DENND2B: variants seen among roughly 807,000 people sequenced by gnomAD.
DENND2B encodes the protein DENN domain-containing protein 2B.
DENND2B carries 32 observed loss-of-function variants against 116.0 expected under a neutral mutation model. The observed-to-expected ratio is 0.28, with a 90% CI of 0.21 to 0.37. The LOEUF is 0.37. Ranked by LOEUF, DENND2B falls within the 10% of genes least tolerant of loss-of-function variation. The pLI is 1.00. For missense variants in DENND2B, 1,276 were observed against 1,477.7 expected, an observed-to-expected ratio of 0.86 and a Z score of 2.24; for synonymous variants, 588 against 583.9, an observed-to-expected ratio of 1.01 and a Z score of -0.10.
At chr11:8,724,114 T>G (rs1592741053) in intron 4 of DENND2B, among the ~76,000 whole-genome samples, 1 of 151,994 alleles carries the variant, frequency 6.6e-6, no homozygotes, top group African/African-American at 2.4e-5. Context: ...GCTAACACGG[T>G]GAAACCCTGT....
chr11:8,843,988 A>G (rs951196977), intron 3 of DENND2B, among the ~76,000 whole-genome samples: 3 of 152,220 alleles, frequency 2.0e-5, no homozygotes, highest in Non-Finnish European at 4.4e-5. Flanking sequence ...ATGTCTGTTT[A>G]TCTTATGTGC....
At chr11:8,798,559 A>G (rs532650396) in intron 1 of DENND2B, among the ~76,000 whole-genome samples, 2 of 152,266 alleles carry the variant, frequency 1.3e-5, no homozygotes, top group African/African-American at 4.8e-5. Flanking sequence ...ACAGCTTTCC[A>G]GAAGAAGCTC....
At chr11:8,817,157 C>A (rs1336138991) in intron 4 of DENND2B, among the ~76,000 whole-genome samples, 2 of 152,160 alleles carry the variant, frequency 1.3e-5, no homozygotes, top group African/African-American at 2.4e-5. Context: ...CAGACTCACC[C>A]CTATCCATAA....
At chr11:8,853,633 G>C (rs2063088603) in intron 3 of DENND2B, among the ~76,000 whole-genome samples, 1 of 152,084 alleles carries the variant, frequency 6.6e-6, no homozygotes, top group African/African-American at 2.4e-5. Context: ...AAAATAAAAA[G>C]TTACTGAATT....
intron 1 of DENND2B, chr11:8,808,526 C>T (rs1388177837): frequency 6.6e-6 from 1 of 152,166 alleles, no homozygotes; most frequent in African/African-American, 2.4e-5. Context: ...ACATTTGTTT[C>T]CTTAAACATC....
At chr11:8,714,180 G>T (rs935994303) in intron 7 of DENND2B, 138 bp from the exon 8 acceptor site, 1 of 865,100 alleles carries the variant, frequency 1.2e-6, no homozygotes, top group African/African-American at 1.7e-5. Flanking sequence ...TCAGGCATCT[G>T]CAGGCAGGGA....
intron 1 of DENND2B, among the ~76,000 whole-genome samples, chr11:8,884,590 G>A (rs1402774683): frequency 2.0e-5 from 3 of 152,190 alleles, no homozygotes; most frequent in African/African-American, 7.2e-5. Context: ...CAGTCATTCA[G>A]TGATCGATGG....
At chr11:8,840,255 T>G (rs1271934780) in intron 3 of DENND2B, among the ~76,000 whole-genome samples, 1 of 152,242 alleles carries the variant, frequency 6.6e-6, no homozygotes, top group East Asian at 1.9e-4. Flanking sequence ...GAGAGGGGAC[T>G]TGGGGAGTTC....
chr11:8,808,784 A>C (rs2061111497), intron 1 of DENND2B: 1 of 152,130 alleles, frequency 6.6e-6, no homozygotes, highest in Non-Finnish European at 1.5e-5. Context: ...TATTACCTCC[A>C]TCTCACAGGT....
chr11:8,788,071 G>A (rs78745841), intron 1 of DENND2B, among the ~76,000 whole-genome samples: 2,339 of 152,202 alleles, frequency 0.015, 30 homozygotes, highest in Middle Eastern at 0.071. Context: ...GGAAGTGGTC[G>A]CCAGCAGCAA....
At chr11:8,797,525 C>CTTCCCCCT in intron 1 of DENND2B, among the ~76,000 whole-genome samples, 1 of 147,070 alleles carries the variant, frequency 6.8e-6, no homozygotes, top group Admixed American at 7.0e-5. Context: ...CCTCTTCCCC[C>CTTCCCCCT]TTCCCCCTTT....
chr11:8,701,346 G>GGGGC, intron 14 of DENND2B, among the ~76,000 whole-genome samples: 1 of 34,534 alleles, frequency 2.9e-5, no homozygotes, highest in African/African-American at 1.0e-4. Context: ...CCAGCTTCCG[G>GGGGC]GGGGGGGGGG....
In DENND2B at chr11:8,696,509, G is replaced by A; in HGVS notation, c.3210C>T (p.Arg1070=). ...ACTCCATAAAAACCTCAAGAAAGCG[G>A]CGGATGCTTTTGGAGGCCACAGATT... is the stretch of plus-strand genomic sequence containing the variant. ...FRKSVASKSI[R]RFLEVFMESQ... Residue 1070 remains arginine (R), a synonymous_variant, in exon 18 of 20, where the codon CGC becomes CGT. Coordinates refer to ENST00000313726, the MANE Select transcript of DENND2B (RefSeq NM_213618.2). The A allele has an allele frequency of 6.2e-7, 1 of 1,614,184 alleles. No homozygotes were observed. The highest frequency in any genetic ancestry group is 2.2e-5 in the East Asian group (1 of 44,888).
At chr11:8,842,887 C>T (rs1344902352) in intron 3 of DENND2B, among the ~76,000 whole-genome samples, 1 of 152,134 alleles carries the variant, frequency 6.6e-6, no homozygotes, top group Non-Finnish European at 1.5e-5. Context: ...TAAATGCATA[C>T]ATTCAGTTTG....
chr11:8,750,603 A>C lies in DENND2B; in HGVS notation c.80+18T>G. ...TAGGTCCCTTGATGCCACCTCCCAC[A>C]AGTGCTCCCTTACCCACCTGCTCAG... On this transcript the variant is annotated intron_variant, in intron 2 of 19. Coordinates refer to ENST00000313726, the MANE Select transcript of DENND2B (RefSeq NM_213618.2). The C allele has an allele frequency of 6.2e-7, 1 of 1,610,778 alleles. No individual in the cohort carries two copies. Among genetic ancestry groups the C allele is most frequent in the Non-Finnish European group, 8.5e-7 (1 of 1,177,062 alleles).
At chr11:8,885,474 C>T (rs1191069655) in intron 1 of DENND2B, among the ~76,000 whole-genome samples, 1 of 152,130 alleles carries the variant, frequency 6.6e-6, no homozygotes, top group Non-Finnish European at 1.5e-5. Context: ...CTTTCCACAC[C>T]TCAAGCTTTC....
At chr11:8,763,173 T>C (rs569223013) in intron 1 of DENND2B, among the ~76,000 whole-genome samples, 1 of 152,246 alleles carries the variant, frequency 6.6e-6, no homozygotes, top group South Asian at 2.1e-4. Flanking sequence ...AAATGCAAAT[T>C]ATAACTGAGA....
chr11:8,735,419 C>A (rs1344745968), intron 2 of DENND2B, among the ~76,000 whole-genome samples: 2 of 152,184 alleles, frequency 1.3e-5, no homozygotes, highest in East Asian at 3.9e-4. Context: ...AGAGAACCAC[C>A]AGAAAACCCA....
At chr11:8,904,874 C>A (rs1360355250) in intron 1 of DENND2B, among the ~76,000 whole-genome samples, 1 of 152,062 alleles carries the variant, frequency 6.6e-6, no homozygotes, top group Non-Finnish European at 1.5e-5. Flanking sequence ...ACACTAATCA[C>A]TACACAATAT....
Sources: allele counts gnomAD v4.1 joint callset (sites outside exome capture counted in the v4.1 genomes callset), GRCh38; gene constraint gnomAD v4.1.1; transcripts MANE v1.5; gene names NCBI Gene and HGNC (gene_info 2026-07-23, HGNC 2026-07-21).